RTN2: variants seen among roughly 807,000 people sequenced by gnomAD.
The protein encoded by RTN2 is reticulon-2.
Under a neutral mutation model 63.7 loss-of-function variants are expected in RTN2, and 36 were observed. The observed-to-expected ratio is 0.56, with a 90% CI of 0.43 to 0.75. The LOEUF is 0.75. RTN2 is among the 30% of genes least tolerant of loss of function. The pLI, the probability that RTN2 is intolerant of heterozygous loss-of-function variation, is 0.00. For synonymous variants in RTN2, 312 were observed against 313.0 expected (o/e 1.00, Z 0.03); for missense variants, 673 against 705.1 (o/e 0.95, Z 0.52).
chr19:45,491,192 AT>A (rs540698296), intron 5 of RTN2, among the ~76,000 whole-genome samples: 467 of 140,980 alleles, frequency 3.3e-3, no homozygotes, highest in Non-Finnish European at 3.0e-3. Context: ...GCCCGGCCAC[AT>A]TTTTTTTTTT....
chr19:45,487,620 C>T (rs1239959672), intron 9 of RTN2, among the ~76,000 whole-genome samples: 1 of 115,346 alleles, frequency 8.7e-6, no homozygotes, highest in East Asian at 2.8e-4. Flanking sequence ...GACTCTTGCT[C>T]TGTCACCCAG....
At position 45,496,896 on chromosome 19, in the gene RTN2, C is replaced by T; in HGVS notation, c.-71G>A. The stretch of plus-strand genomic sequence containing the variant: ...GCCGCCCTGGGCCCGGGGTCGCGGG[C>T]GCTCATCTCCGCCGCGCCCACGACG... On this transcript the variant is annotated 5_prime_UTR_variant, in exon 1 of 11. Transcript: ENST00000245923. 1.1e-6 allele frequency: 1 copy of T among 942,868 alleles called. No homozygotes were observed. The highest frequency in any genetic ancestry group is 2.7e-5 in the South Asian group (1 of 37,124). 58.4% of individuals were successfully genotyped at this position (942,868 alleles called of 1,614,324 possible). A position where few individuals can be genotyped will look rare whatever the true frequency, so the allele number is the denominator to read the frequency against.
Position 45,495,076 on chromosome 19 carries a change from C to T in RTN2, c.79+19G>A. On this transcript the variant is annotated intron_variant, in intron 2 of 10. Transcript: ENST00000245923. ...AGCTGCCCAGCCCTGAGCCCCTTCA[C>T]ATGCTCCCCACCACTTACCTTCTGT... is the stretch of plus-strand genomic sequence containing the variant. The T allele has an allele frequency of 6.2e-7, 1 of 1,614,220 alleles. No homozygotes were observed. The highest frequency in any genetic ancestry group is 1.3e-5 in the African/African-American group (1 of 75,056).
chr19:45,489,573 A>T lies in RTN2; in HGVS notation c.1034-20T>A. On this transcript the variant is annotated intron_variant, in intron 5 of 10. Transcript: ENST00000245923. The stretch of plus-strand genomic sequence containing the variant: ...CCGCCACTGTGGAGGGGTGGGGGGC[A>T]TCAGGGCTTGTACCTGACCTGGCTG... The T allele has an allele frequency of 6.4e-7, 1 of 1,566,938 alleles. No homozygotes were observed. The highest frequency in any genetic ancestry group is 8.7e-7 in the Non-Finnish European group (1 of 1,154,968).
chr19:45,496,715 A>G (rs1968279239), intron 1 of RTN2, 77 bp downstream of exon 1: 1 of 1,023,656 alleles, frequency 9.8e-7, no homozygotes, highest in Admixed American at 3.8e-5. Context: ...CCTGCGGGCA[A>G]GCGCCGAGGG....
At chr19:45,485,829 G>C in intron 10 of RTN2, 40 bp from the exon 11 acceptor site, 1 of 1,527,864 alleles carries the variant, frequency 6.5e-7, no homozygotes, top group Non-Finnish European at 9.1e-7. Flanking sequence ...TGGGGCAAGA[G>C]ACGCGGGGTG....
rs1968239375 is a variant in RTN2, at chr19:45,494,857, C to G, written c.228G>C (p.Gly76=). The change falls in exon 3 of 11, where the codon GGG becomes GGC. Residue 76 remains glycine, a synonymous_variant. Transcript: ENST00000245923. This position sits in a 1 kb window ranked among gnomAD's most constrained non-coding sequence, Gnocchi z 5.3. ...YIAFDGVVGS[G]GRRDSTARRP... Reference sequence around the variant, plus strand: ...GGCGGGCAGTTGAATCCCTGCGGCCCCCGGAGCCCACTACACCATCAAAGG... The same window carrying G: ...GGCGGGCAGTTGAATCCCTGCGGCCGCCGGAGCCCACTACACCATCAAAGG... 6.2e-7 allele frequency: 1 copy of G among 1,605,702 alleles called. No individual in the cohort carries two copies. Among genetic ancestry groups the G allele is most frequent in the South Asian group, 1.1e-5 (1 of 91,084 alleles).
At position 45,485,542 on chromosome 19, in the gene RTN2, G is replaced by A. The variant is rs1319898298; in HGVS notation, c.*166C>T. 18 of 616,112 alleles carry A rather than the reference G, an allele frequency of 2.9e-5. No individual in the cohort carries two copies. Among genetic ancestry groups the A allele is most frequent in the Non-Finnish European group, 4.6e-5 (16 of 344,920 alleles). 38.2% of individuals were successfully genotyped at this position (616,112 alleles called of 1,614,324 possible). ...AGAGCCTCTTGGGAAATGTAGTCCT[G>A]GTCGCTCAGGTAATTAGCGCAGAGT... On this transcript the variant is annotated 3_prime_UTR_variant, in exon 11 of 11. Coordinates refer to ENST00000245923, the MANE Select transcript of RTN2 (RefSeq NM_005619.5).
At position 45,493,123 on chromosome 19, in the gene RTN2, G is replaced by A. The variant is rs1968196454; in HGVS notation, c.1033+37C>T. On this transcript the variant is annotated intron_variant, in intron 5 of 10. Transcript: ENST00000245923. ...GGGCGAGTTTGGACCCCGTTCCGCC[G>A]ACCTCAGCCCCCGTCCAGCCCGTTC... The A allele has an allele frequency of 3.8e-6, 6 of 1,586,112 alleles. No individual in the cohort carries two copies. In the East Asian group the frequency reaches 1.4e-4, roughly 37 times the overall value.
chr19:45,486,215 G>T lies in RTN2; in HGVS notation c.1498-102C>A, dbSNP rs73567088. On this transcript the variant is annotated intron_variant, in intron 9 of 10. Transcript: ENST00000245923. ...CCCCAACCTCCAAATTAGGAGTTGT[G>T]AAGAGTGGCCCACCACGCCACCCCC... The T allele has an allele frequency of 0.089, 88,540 of 997,282 alleles. 4,386 individuals carry two copies. The highest frequency in any genetic ancestry group is 0.15 in the East Asian group (5,887 of 40,002). 61.8% of individuals were successfully genotyped at this position (997,282 alleles called of 1,614,324 possible).
In RTN2 at chr19:45,487,032, CTTTTT is replaced by C. The variant is rs34799041; in HGVS notation, c.1498-924_1498-920del. Among the ~76,000 whole-genome samples, 39 of 39,178 alleles carry C rather than the reference CTTTTT, an allele frequency of 1.0e-3. 1 individual carries two copies. The highest frequency in any genetic ancestry group is 1.5e-3 in the Non-Finnish European group (32 of 21,682). 25.7% of individuals were successfully genotyped at this position (39,178 alleles called of 152,430 possible). Reference sequence around the variant, plus strand: ...ACAAGCGTGAGCCACCATGCCCAGCCTTTTTTTTTTTTTTTTTTTTTTTTTTTTTA... The same window carrying C: ...ACAAGCGTGAGCCACCATGCCCAGCCTTTTTTTTTTTTTTTTTTTTTTTTA... On this transcript the variant is annotated intron_variant, in intron 9 of 10. Coordinates refer to ENST00000245923, the MANE Select transcript of RTN2 (RefSeq NM_005619.5).
intron 5 of RTN2, among the ~76,000 whole-genome samples, chr19:45,492,710 T>A (rs1968185408): frequency 6.6e-6 from 1 of 152,302 alleles, no homozygotes; most frequent in Non-Finnish European, 1.5e-5. Flanking sequence ...CTCCTTCCAA[T>A]GCATCTCCTC....
chr19:45,485,954 G>T, intron 10 of RTN2, 101 bp downstream of exon 10: 1 of 1,305,370 alleles, frequency 7.7e-7, no homozygotes, highest in Non-Finnish European at 1.1e-6. Flanking sequence ...CTTTTCAAGG[G>T]GACATTACCC....
In RTN2 at chr19:45,494,402, C is replaced by T. The variant is rs1274875669; in HGVS notation, c.578G>A (p.Arg193Gln). ...CTCGGGCGATGAGGGCTGAGCAAGT[C>T]GGAGTCGTAGGTCCAGTTCTGATAC... ...EAGEELDLRLRLAQPSSPEVL... is the reference protein window; with the variant it reads ...EAGEELDLRLQLAQPSSPEVL... Residue 193 changes from arginine to glutamine, a missense_variant, in exon 4 of 11, where the codon CGA (arginine) becomes CAA (glutamine). Transcript: ENST00000245923. The surrounding 1 kb of genome is among the most constrained non-coding windows in gnomAD (Gnocchi z 5.3). 2 of 1,613,200 alleles carry T rather than the reference C, an allele frequency of 1.2e-6. No homozygotes were observed. The highest frequency in any genetic ancestry group is 1.1e-5 in the South Asian group (1 of 91,058).
Position 45,488,507 on chromosome 19 carries a change from A to C in RTN2, c.1461T>G (p.Gly487=), listed in dbSNP as rs746204650. Residue 487 remains glycine, a synonymous_variant, in exon 9 of 11, where the codon GGT becomes GGG. Transcript: ENST00000245923. The stretch of plus-strand genomic sequence containing the variant: ...GGTACAGCAGGGGGATGGTGAATAG[A>C]CCAATCACTCCTGTGGGTACAGAGA... ...GLTLLILGVI[G]LFTIPLLYRQ... is the part of the protein sequence containing the mutation. 6.2e-7 allele frequency: 1 copy of C among 1,613,964 alleles called. No homozygotes were observed. Among genetic ancestry groups the C allele is most frequent in the East Asian group, 2.2e-5 (1 of 44,880 alleles).
intron 6 of RTN2, 91 bp downstream of exon 6, chr19:45,489,255 G>A: frequency 1.7e-6 from 2 of 1,198,748 alleles, no homozygotes; most frequent in Non-Finnish European, 2.4e-6. Flanking sequence ...GATGAGTCGG[G>A]GTCCGGGTGG....
chr19:45,496,092 C>A (rs1443595488), intron 1 of RTN2, among the ~76,000 whole-genome samples: 3 of 127,588 alleles, frequency 2.4e-5, no homozygotes. Context: ...TGAGGCTAGG[C>A]GTTTTCAGCT....
In RTN2 at chr19:45,494,431, A is replaced by G. The variant is rs768375312; in HGVS notation, c.560-11T>C. On this transcript the variant is annotated splice_polypyrimidine_tract_variant and intron_variant, in intron 3 of 10. Coordinates refer to ENST00000245923, the MANE Select transcript of RTN2 (RefSeq NM_005619.5). This position sits in a 1 kb window ranked among gnomAD's most constrained non-coding sequence, Gnocchi z 5.3. Reference sequence around the variant, plus strand: ...GTCGTAGGTCCAGTTCTGATACGGTAGAGAGAGGAGGCCGTGAGCTTTCTT... The same window carrying G: ...GTCGTAGGTCCAGTTCTGATACGGTGGAGAGAGGAGGCCGTGAGCTTTCTT... 4.7e-5 allele frequency: 76 copies of G among 1,607,746 alleles called. No individual in the cohort carries two copies. The highest frequency in any genetic ancestry group is 5.4e-5 in the Non-Finnish European group (63 of 1,175,420).
Position 45,489,444 on chromosome 19 carries a change from C to T in RTN2, c.1143G>A (p.Ala381=), listed in dbSNP as rs45532933. The part of the protein sequence containing the change: ...LLHFSIVSVA[A]HLALLLLCGT... The stretch of plus-strand genomic sequence containing the variant: ...CGCAGAGCAGCAACAGAGCCAAGTG[C>T]GCGGCCACGGACACGATGCTAAAGT... The change falls in exon 6 of 11, where the codon GCG becomes GCA. Residue 381 remains alanine (A), a synonymous_variant. Coordinates refer to ENST00000245923, the MANE Select transcript of RTN2 (RefSeq NM_005619.5). 5.6e-3 allele frequency: 9,051 copies of T among 1,611,386 alleles called. 42 individuals carry two copies. The highest frequency in any genetic ancestry group is 5.9e-3 in the Non-Finnish European group (7,007 of 1,178,906).
Sources: gnomAD v4.1 joint callset for allele counts (sites outside exome capture counted in the v4.1 genomes callset) on GRCh38, gnomAD v4.1.1 for gene constraint, Gnocchi (gnomAD v3.1) non-coding constraint, MANE v1.5 for transcripts, NCBI Gene and HGNC (gene_info 2026-07-23, HGNC 2026-07-21) for gene names.